CDC34: variants seen among roughly 807,000 people sequenced by gnomAD.
CDC34 encodes cell division cycle 34, ubiquitin conjugating enzyme.
In CDC34, 18 loss-of-function variants were observed where a neutral mutation model predicts 26.8. The observed-to-expected ratio is 0.67, with a 90% CI of 0.47 to 1.00. The LOEUF (loss-of-function observed/expected upper bound fraction) is 1.00, where lower values mean the gene tolerates loss of function less well. Among genes scored for constraint, CDC34 ranks in the 50% least tolerant of loss-of-function variants. CDC34 has a pLI of 0.00. For synonymous variants in CDC34, 178 were observed against 147.5 expected (o/e 1.21, Z -1.50); for missense variants, 280 against 334.5 (o/e 0.84, Z 1.27).
In CDC34 at chr19:541,438, C is replaced by T. The variant is rs141921412; in HGVS notation, c.597C>T (p.Pro199=). ...EYCVKTKAPA[P]DEGSDLFYDD... ...GCGTGAAGACCAAGGCGCCGGCGCCCGACGAGGGCTCAGACCTCTTCTACG... is the reference window on the plus strand; with the variant it reads ...GCGTGAAGACCAAGGCGCCGGCGCCTGACGAGGGCTCAGACCTCTTCTACG... The change falls in exon 5 of 5, where the codon CCC becomes CCT. Residue 199 remains proline (P), a synonymous_variant. Transcript: ENST00000215574. The T allele has an allele frequency of 2.0e-4, 328 of 1,612,820 alleles. 1 individual carries two copies. In the African/African-American group the frequency reaches 3.8e-3, roughly 19 times the overall value.
chr19:533,758 G>A (rs1312020267), intron 1 of CDC34, among the ~76,000 whole-genome samples: 1 of 152,226 alleles, frequency 6.6e-6, no homozygotes, highest in African/African-American at 2.4e-5. Context: ...CCAGGGAGGG[G>A]GCCTCTAGAC....
In CDC34 at chr19:537,981, C is replaced by T. The variant is rs147651045; in HGVS notation, c.497+834C>T. ...CTGGTGGTTAGTGTTTTCATAGATT[C>T]TTCCAGGCTTTTCAGTTTAACGCAT... On this transcript the variant is annotated intron_variant, in intron 4 of 4. Coordinates refer to ENST00000215574, the MANE Select transcript of CDC34 (RefSeq NM_004359.2). Among the ~76,000 whole-genome samples, 200 of 152,336 alleles carry T rather than the reference C, an allele frequency of 1.3e-3. 1 individual carries two copies. The highest frequency in any genetic ancestry group is 2.2e-3 in the Non-Finnish European group (153 of 68,036).
At chr19:532,172 G>T in intron 1 of CDC34, 64 bp downstream of exon 1, 1 of 1,321,210 alleles carries the variant, frequency 7.6e-7, no homozygotes, top group Non-Finnish European at 1.0e-6. Flanking sequence ...CCGGGAACCA[G>T]CTCCCTGCCC....
chr19:532,402 G>T (rs1979535540), intron 1 of CDC34, among the ~76,000 whole-genome samples: 1 of 152,192 alleles, frequency 6.6e-6, no homozygotes, highest in Non-Finnish European at 1.5e-5. Context: ...GTGGCCGGGG[G>T]CCCTCCCTGT....
At chr19:541,089 G>C (rs1979990155) in intron 4 of CDC34, 1 of 464,906 alleles carries the variant, frequency 2.2e-6, no homozygotes, top group Non-Finnish European at 3.8e-6. Flanking sequence ...TTCGGGGCGG[G>C]GCAGGCGGGT....
At chr19:534,278 A>T (rs1305022152) in intron 1 of CDC34, among the ~76,000 whole-genome samples, 1 of 151,990 alleles carries the variant, frequency 6.6e-6, no homozygotes, top group Non-Finnish European at 1.5e-5. Context: ...GGCACCAGTG[A>T]GTTCCCTGTC....
At chr19:536,808 C>T in intron 3 of CDC34, 1 of 612,446 alleles carries the variant, frequency 1.6e-6, no homozygotes. Context: ...TTGCTGCCCT[C>T]CCTGGTCTTG....
intron 4 of CDC34, among the ~76,000 whole-genome samples, chr19:537,928 A>G (rs17841761): frequency 7.2e-5 from 11 of 152,230 alleles, no homozygotes; most frequent in African/African-American, 2.4e-4. Context: ...AAGTGCTGGG[A>G]TGACAGGCGT....
chr19:535,816 AC>A lies in CDC34; in HGVS notation c.178-19del. 6.2e-7 allele frequency: 1 copy of A among 1,603,260 alleles called. No individual in the cohort carries two copies. Among genetic ancestry groups the A allele is most frequent in the South Asian group, 1.1e-5 (1 of 90,888 alleles). ...TCTTGGGGCTGGGCTGGACTGAGCC[AC>A]CTGCCTTCTGCCCCTGCAGGCGCGC... On this transcript the variant is annotated intron_variant, in intron 1 of 4. Coordinates refer to ENST00000215574, the MANE Select transcript of CDC34 (RefSeq NM_004359.2).
chr19:536,801 C>T, intron 3 of CDC34: 1 of 602,990 alleles, frequency 1.7e-6, no homozygotes, highest in Non-Finnish European at 2.9e-6. Context: ...CTGCACCTTG[C>T]TGCCCTCCCT....
rs771486070 is a variant in CDC34 at position 532,084 on chromosome 19, C to T, written c.153C>T (p.Thr51=). 15 of 1,521,972 alleles carry T rather than the reference C, an allele frequency of 9.9e-6. No individual in the cohort carries two copies. The highest frequency in any genetic ancestry group is 1.7e-4 in the Middle Eastern group (1 of 5,866). 94.3% of individuals were successfully genotyped at this position (1,521,972 alleles called of 1,614,324 possible). The change falls in exon 1 of 5, where the codon ACC becomes ACT. Residue 51 remains threonine (T), a synonymous_variant. Coordinates refer to ENST00000215574, the MANE Select transcript of CDC34 (RefSeq NM_004359.2). The stretch of plus-strand genomic sequence containing the variant: ...TGGCCATCTTCGGGCCCCCCAACAC[C>T]TACTACGAGGGCGGCTACTTCAAGG... ...WEVAIFGPPN[T]YYEGGYFKAR... is the part of the protein sequence containing the mutation.
intron 2 of CDC34, 112 bp downstream of exon 2, chr19:536,035 G>A (rs573554406): frequency 5.4e-5 from 64 of 1,180,138 alleles, no homozygotes; most frequent in South Asian, 4.0e-4. Flanking sequence ...TCACGTCCTC[G>A]TCCTCCGGGA....
chr19:536,732 G>T (rs895749050), intron 3 of CDC34: 9 of 553,032 alleles, frequency 1.6e-5, no homozygotes, highest in Non-Finnish European at 2.9e-5. Context: ...GTGTGTCCTG[G>T]AGTGTAGTCT....
chr19:540,936 C>T (rs1457761692), intron 4 of CDC34, among the ~76,000 whole-genome samples: 2 of 152,198 alleles, frequency 1.3e-5, no homozygotes, highest in Non-Finnish European at 2.9e-5. Flanking sequence ...GATGGTCCTG[C>T]CTCCTGTCCT....
intron 4 of CDC34, among the ~76,000 whole-genome samples, chr19:540,916 C>T (rs987304442): frequency 3.3e-5 from 5 of 152,212 alleles, no homozygotes; most frequent in Non-Finnish European, 1.5e-5. Context: ...TGCTGGTTCC[C>T]GTCTCCAGGG....
chr19:539,613 C>T (rs867297658), intron 4 of CDC34, among the ~76,000 whole-genome samples: 19 of 152,286 alleles, frequency 1.2e-4, no homozygotes, highest in East Asian at 7.7e-4. Context: ...CCCTCCCATG[C>T]GGGCACTGTG....
chr19:537,812 C>T (rs949628177), intron 4 of CDC34, among the ~76,000 whole-genome samples: 2 of 151,950 alleles, frequency 1.3e-5, no homozygotes, highest in African/African-American at 4.8e-5. Flanking sequence ...CCCACTACCA[C>T]GCCGAGCTAA....
chr19:541,340 A>G lies in CDC34; in HGVS notation c.499A>G (p.Lys167Glu), dbSNP rs1272691409. Residue 167 changes from lysine (K) to glutamate (E), a missense_variant and splice_region_variant, in exon 5 of 5, where the codon AAG becomes GAG. Coordinates refer to ENST00000215574, the MANE Select transcript of CDC34 (RefSeq NM_004359.2). ...KDREYTDIIR[K>E]QVLGTKVDAE... Reference sequence around the variant, plus strand: ...CCCTCACCCACCCTGTCCCCCCAGGAAGCAGGTCCTGGGGACCAAGGTGGA... The same window carrying G: ...CCCTCACCCACCCTGTCCCCCCAGGGAGCAGGTCCTGGGGACCAAGGTGGA... 1 of 1,567,034 alleles carries G rather than the reference A, an allele frequency of 6.4e-7. No individual in the cohort carries two copies. The highest frequency in any genetic ancestry group is 8.6e-7 in the Non-Finnish European group (1 of 1,159,284).
chr19:541,087 G>A (rs943211921), intron 4 of CDC34: 41 of 443,168 alleles, frequency 9.3e-5, no homozygotes, highest in Non-Finnish European at 1.3e-4. Context: ...GCTTCGGGGC[G>A]GGGCAGGCGG....
Sources: allele counts gnomAD v4.1 joint callset (sites outside exome capture counted in the v4.1 genomes callset), GRCh38; gene constraint gnomAD v4.1.1; transcripts MANE v1.5; gene names NCBI Gene and HGNC (gene_info 2026-07-23, HGNC 2026-07-21).